The following KCTD3 variants were observed in gnomAD, a reference collection of about 807,000 sequenced individuals.
KCTD3 encodes potassium channel tetramerization domain containing 3.
A neutral mutation model predicts 85.8 loss-of-function variants in KCTD3; 41 were observed. The observed-to-expected ratio is 0.48, with a 90% CI of 0.37 to 0.62. The LOEUF (loss-of-function observed/expected upper bound fraction) is 0.62, where lower values mean the gene tolerates loss of function less well. Among genes scored for constraint, KCTD3 ranks in the 20% least tolerant of loss-of-function variants. The pLI is 0.00. For synonymous variants in KCTD3, 338 were observed against 345.4 expected (o/e 0.98, Z 0.24); for missense variants, 724 against 989.9 (o/e 0.73, Z 3.60).
chr1:215,604,735 T>C (rs1654950320), intron 13 of KCTD3, among the ~76,000 whole-genome samples: 1 of 151,950 alleles, frequency 6.6e-6, no homozygotes, highest in African/African-American at 2.4e-5. Context: ...GGAATTTTTA[T>C]TAAATTTTTC....
chr1:215,608,312 G>A, intron 14 of KCTD3, 140 bp downstream of exon 14: 1 of 522,704 alleles, frequency 1.9e-6, no homozygotes, highest in Middle Eastern at 5.4e-4. Flanking sequence ...GAATTTTAGT[G>A]TGTTTTTCTG....
chr1:215,610,600 G>A (rs1429008716), intron 14 of KCTD3, among the ~76,000 whole-genome samples: 1 of 151,928 alleles, frequency 6.6e-6, no homozygotes, highest in African/African-American at 2.4e-5. Context: ...TTGTTTATGA[G>A]TTATTGAATG....
intron 8 of KCTD3, among the ~76,000 whole-genome samples, chr1:215,584,558 A>T (rs1438712809): frequency 6.6e-6 from 1 of 152,132 alleles, no homozygotes. Flanking sequence ...AGGTTTCATG[A>T]TAACTTGGGG....
chr1:215,571,521 A>G (rs1323569653), intron 1 of KCTD3, among the ~76,000 whole-genome samples: 3 of 152,144 alleles, frequency 2.0e-5, no homozygotes, highest in African/African-American at 7.2e-5. Flanking sequence ...TTACATTTAA[A>G]TGTCTTTAAT....
At chr1:215,575,798 TAGTATTTA>T in intron 3 of KCTD3, 95 bp from the exon 4 acceptor site, 1 of 622,166 alleles carries the variant, frequency 1.6e-6, no homozygotes, top group Non-Finnish European at 2.8e-6. Flanking sequence ...CAAGGAAATG[TAGTATTTA>T]AGTAATTAAG....
intron 10 of KCTD3, among the ~76,000 whole-genome samples, chr1:215,598,134 G>A (rs1654680304): frequency 6.6e-6 from 1 of 151,906 alleles, no homozygotes; most frequent in Non-Finnish European, 1.5e-5. Context: ...CTGGGATCTG[G>A]GATTTTAGCA....
chr1:215,600,173 C>T (rs1050036375), intron 10 of KCTD3, among the ~76,000 whole-genome samples: 1 of 152,076 alleles, frequency 6.6e-6, no homozygotes, highest in African/African-American at 2.4e-5. Context: ...AAAGCCTGAC[C>T]TCAGGATAGG....
At chr1:215,618,785 A>C in intron 15 of KCTD3, 101 bp from the exon 16 acceptor site, 14 of 852,060 alleles carry the variant, frequency 1.6e-5, no homozygotes, top group Non-Finnish European at 2.4e-5. Flanking sequence ...CTTTTCTAGT[A>C]TAACATGTTT....
chr1:215,615,636 A>G (rs1655412952), intron 15 of KCTD3, among the ~76,000 whole-genome samples: 2 of 151,982 alleles, frequency 1.3e-5, no homozygotes, highest in Non-Finnish European at 1.5e-5. Flanking sequence ...AAAAAAAAAA[A>G]GAAATCTGCA....
chr1:215,595,978 TG>T (rs1055166889), intron 10 of KCTD3, among the ~76,000 whole-genome samples: 42 of 152,222 alleles, frequency 2.8e-4, no homozygotes, highest in African/African-American at 1.0e-3. Flanking sequence ...GTTGCTAAAA[TG>T]AAAAGTGGAC....
intron 15 of KCTD3, chr1:215,618,005 C>G: frequency 2.6e-6 from 1 of 378,730 alleles, no homozygotes; most frequent in Non-Finnish European, 5.7e-6. Context: ...CTTGCTGTGG[C>G]CACTTCTTTG....
At chr1:215,596,890 C>T (rs1455570832) in intron 10 of KCTD3, among the ~76,000 whole-genome samples, 2 of 152,116 alleles carry the variant, frequency 1.3e-5, no homozygotes, top group Non-Finnish European at 2.9e-5. Flanking sequence ...CCATAAAAGT[C>T]AAGAGTGTAT....
intron 8 of KCTD3, among the ~76,000 whole-genome samples, chr1:215,582,311 C>T (rs1434041460): frequency 1.3e-4 from 20 of 152,120 alleles, no homozygotes; most frequent in Admixed American, 9.8e-4. Context: ...AGACATATGT[C>T]TATTCTCATA....
Position 215,608,246 on chromosome 1 carries a change from C to T in KCTD3, c.1465+74C>T, listed in dbSNP as rs1050873144. 4 of 939,172 alleles carry T rather than the reference C, an allele frequency of 4.3e-6. No individual in the cohort carries two copies. In the Admixed American group the frequency reaches 1.2e-4, roughly 28 times the overall value. The allele number at this position is 939,172 out of a possible 1,614,324, so 58.2% of individuals were successfully genotyped here. On this transcript the variant is annotated intron_variant, in intron 14 of 17. Coordinates refer to ENST00000259154, the MANE Select transcript of KCTD3 (RefSeq NM_016121.5). ...AGAAGAAGCATATCAACTAATAAAACCACAAAAATGAGTTTTAAATACAAA... is the reference window on the plus strand; with the variant it reads ...AGAAGAAGCATATCAACTAATAAAATCACAAAAATGAGTTTTAAATACAAA...
intron 8 of KCTD3, among the ~76,000 whole-genome samples, chr1:215,583,774 T>C (rs1223971509): frequency 6.6e-6 from 1 of 152,196 alleles, no homozygotes; most frequent in African/African-American, 2.4e-5. Context: ...TATTTCTGCC[T>C]ATTAGGGTCT....
At chr1:215,618,164 C>T (rs1655527071) in intron 15 of KCTD3, 1 of 465,460 alleles carries the variant, frequency 2.1e-6, no homozygotes, top group Non-Finnish European at 4.5e-6. Context: ...GGTAAACTTT[C>T]ACTTTCCTTA....
At chr1:215,617,310 CAGTT>C (rs1655492528) in intron 15 of KCTD3, among the ~76,000 whole-genome samples, 1 of 152,160 alleles carries the variant, frequency 6.6e-6, no homozygotes, top group Non-Finnish European at 1.5e-5. Flanking sequence ...TACAGTCAGT[CAGTT>C]AGAAGCACAG....
chr1:215,570,020 T>C (rs1460737245), intron 1 of KCTD3, among the ~76,000 whole-genome samples: 4 of 152,190 alleles, frequency 2.6e-5, no homozygotes, highest in Non-Finnish European at 5.9e-5. Flanking sequence ...TGCAGCATTT[T>C]AGAGCTAGAT....
chr1:215,569,125 CTTTTTTT>C lies in KCTD3; in HGVS notation c.83+1366_83+1372del, dbSNP rs397964441. Among the ~76,000 whole-genome samples the C allele has an allele frequency of 1.1e-4, 15 of 139,070 alleles. No homozygotes were observed. The Admixed American group carries it at 1.1e-3, about 10-fold the overall frequency. 91.2% of individuals were successfully genotyped at this position (139,070 alleles called of 152,430 possible). Reference sequence around the variant, plus strand: ...TAATGTATTTCTTTTCTTTAATTTTCTTTTTTTTTTTTTTTGAGACGGAGTCTTGCTC... The same window carrying C: ...TAATGTATTTCTTTTCTTTAATTTTCTTTTTTTTGAGACGGAGTCTTGCTC... On this transcript the variant is annotated intron_variant, in intron 1 of 17. Transcript: ENST00000259154.
Sources: gnomAD v4.1 joint callset for allele counts (sites outside exome capture counted in the v4.1 genomes callset) on GRCh38, gnomAD v4.1.1 for gene constraint, MANE v1.5 for transcripts, NCBI Gene and HGNC (gene_info 2026-07-23, HGNC 2026-07-21) for gene names.